The following ATP10B variants were observed in gnomAD, a reference collection of about 807,000 sequenced individuals.
ATP10B encodes phospholipid-transporting ATPase VB.
ATP10B carries 122 observed loss-of-function variants against 141.2 expected under a neutral mutation model. The ratio of observed to expected loss-of-function variants is 0.86; its 90% CI spans 0.75 to 1.00. The LOEUF is 1.00. Ranked by LOEUF, ATP10B falls within the 50% of genes least tolerant of loss-of-function variation. The pLI is 0.00. For synonymous variants in ATP10B, 685 were observed against 692.0 expected (o/e 0.99, Z 0.16); for missense variants, 1,876 against 1,825.3 (o/e 1.03, Z -0.51).
intron 3 of ATP10B, among the ~76,000 whole-genome samples, chr5:160,698,285 C>A (rs1764484979): frequency 6.6e-6 from 1 of 152,014 alleles, no homozygotes; most frequent in Admixed American, 6.6e-5. Flanking sequence ...TTTACTACAG[C>A]CAATCTATTT....
At chr5:160,758,837 A>T (rs1347200612) in intron 2 of ATP10B, among the ~76,000 whole-genome samples, 1 of 152,198 alleles carries the variant, frequency 6.6e-6, no homozygotes, top group African/African-American at 2.4e-5. Context: ...GGTCTCAGTA[A>T]ACCTTGTGAA....
chr5:160,819,528 G>A (rs899736094), intron 1 of ATP10B, among the ~76,000 whole-genome samples: 40 of 152,102 alleles, frequency 2.6e-4, no homozygotes, highest in African/African-American at 9.7e-4. Context: ...GAAAAACACA[G>A]CATATTATAA....
chr5:160,827,309 C>A (rs1037673965), intron 1 of ATP10B, among the ~76,000 whole-genome samples: 38 of 152,186 alleles, frequency 2.5e-4, no homozygotes, highest in Non-Finnish European at 5.3e-4. Context: ...TTCTCTTCAA[C>A]CTTGCCTGCA....
At chr5:160,873,525 G>C in the ATP10B span, among the ~76,000 whole-genome samples, 2 of 152,194 alleles carry the variant, frequency 1.3e-5, no homozygotes, top group Non-Finnish European at 2.9e-5. Flanking sequence ...CCAGGCTCTC[G>C]AGGAGCCAAG....
chr5:160,686,672 C>T (rs12658372), intron 5 of ATP10B, among the ~76,000 whole-genome samples: 89,619 of 152,024 alleles, frequency 0.59, 27,920 homozygotes, highest in Middle Eastern at 0.74. Flanking sequence ...GGAAAACCAT[C>T]TAGATTTAAA....
At chr5:160,833,881 A>G (rs560320952) in intron 1 of ATP10B, among the ~76,000 whole-genome samples, 72 of 152,290 alleles carry the variant, frequency 4.7e-4, no homozygotes, top group African/African-American at 1.3e-3. Context: ...GTTAAATTAT[A>G]AATTAAATAC....
chr5:160,780,655 T>C (rs564183121), intron 2 of ATP10B, among the ~76,000 whole-genome samples: 5 of 152,244 alleles, frequency 3.3e-5, no homozygotes, highest in Admixed American at 1.3e-4. Context: ...TCCTGAAACT[T>C]TTCCTACTCA....
At chr5:160,878,184 G>C in the ATP10B span, among the ~76,000 whole-genome samples, 4 of 149,856 alleles carry the variant, frequency 2.7e-5, no homozygotes, top group Admixed American at 1.3e-4. Context: ...CCAAAACAGA[G>C]ATATAGATCA....
chr5:160,765,357 T>C (rs1769324059), intron 2 of ATP10B, among the ~76,000 whole-genome samples: 2 of 152,076 alleles, frequency 1.3e-5, no homozygotes, highest in Admixed American at 1.3e-4. Context: ...AACAGCATGG[T>C]ACTCGTATAA....
the ATP10B span, among the ~76,000 whole-genome samples, chr5:160,899,478 T>C: frequency 6.6e-6 from 1 of 152,164 alleles, no homozygotes; most frequent in Non-Finnish European, 1.5e-5. Flanking sequence ...ATTGTGGTAA[T>C]GGTTTCACAG....
chr5:160,709,071 T>C (rs1318551059), intron 3 of ATP10B, among the ~76,000 whole-genome samples: 1 of 152,178 alleles, frequency 6.6e-6, no homozygotes, highest in African/African-American at 2.4e-5. Flanking sequence ...ATAACTCATA[T>C]ACCAATGACA....
intron 1 of ATP10B, among the ~76,000 whole-genome samples, chr5:160,845,515 A>T (rs755069188): frequency 6.6e-6 from 1 of 152,164 alleles, no homozygotes. Context: ...CAAAGTGTTC[A>T]CTTTGTTATA....
At chr5:160,632,006 A>G in intron 13 of ATP10B, 123 bp downstream of exon 13, 1 of 840,388 alleles carries the variant, frequency 1.2e-6, no homozygotes, top group Non-Finnish European at 1.9e-6. Flanking sequence ...TATGTACAAA[A>G]CCAAGGGCAC....
intron 2 of ATP10B, among the ~76,000 whole-genome samples, chr5:160,781,048 T>G (rs555380323): frequency 6.6e-6 from 1 of 152,288 alleles, no homozygotes; most frequent in East Asian, 1.9e-4. Flanking sequence ...AATAATAGTG[T>G]GGGCTATTTA....
intron 1 of ATP10B, among the ~76,000 whole-genome samples, chr5:160,831,670 T>C (rs1266657012): frequency 6.6e-6 from 1 of 152,090 alleles, no homozygotes; most frequent in Non-Finnish European, 1.5e-5. Flanking sequence ...AAAGCCCTTC[T>C]GGAATAGCAG....
the ATP10B span, among the ~76,000 whole-genome samples, chr5:160,906,392 G>A: frequency 5.9e-5 from 9 of 152,004 alleles, no homozygotes; most frequent in African/African-American, 1.9e-4. Context: ...GGCCAAAAAG[G>A]GGTTCCACAG....
intron 15 of ATP10B, among the ~76,000 whole-genome samples, chr5:160,618,930 A>G (rs192379189): frequency 1.2e-4 from 18 of 152,328 alleles, no homozygotes; most frequent in African/African-American, 4.3e-4. Flanking sequence ...ATAATGCAAA[A>G]TTAAAAATGT....
At chr5:160,880,230 A>ATAATG in the ATP10B span, among the ~76,000 whole-genome samples, 819 of 145,902 alleles carry the variant, frequency 5.6e-3, 9 homozygotes, top group African/African-American at 0.019. Flanking sequence ...TAAATAAAAT[A>ATAATG]TAAATATTTT....
intron 7 of ATP10B, among the ~76,000 whole-genome samples, chr5:160,657,166 A>G (rs1034105160): frequency 2.0e-5 from 3 of 152,152 alleles, no homozygotes; most frequent in East Asian, 3.9e-4. Context: ...GAAGAACACT[A>G]AAGTTTTTTT....
Sources: allele counts gnomAD v4.1 joint callset (sites outside exome capture counted in the v4.1 genomes callset), GRCh38; gene constraint gnomAD v4.1.1; transcripts MANE v1.5; gene names NCBI Gene and HGNC (gene_info 2026-07-23, HGNC 2026-07-21).